SSH2: variants seen among roughly 807,000 people sequenced by gnomAD.
SSH2 encodes protein phosphatase Slingshot homolog 2.
Under a neutral mutation model 135.2 loss-of-function variants are expected in SSH2, and 37 were observed. That is an observed-to-expected ratio of 0.27 (90% CI 0.21 to 0.36). SSH2 has a LOEUF of 0.36. Among genes scored for constraint, SSH2 ranks in the 10% least tolerant of loss-of-function variants. The pLI, the probability that SSH2 is intolerant of heterozygous loss-of-function variation, is 1.00. For missense variants in SSH2, 1,408 were observed against 1,765.3 expected (o/e 0.80, Z 3.63); for synonymous variants, 628 against 646.2 (o/e 0.97, Z 0.43).
At chr17:29,752,658 A>G (rs1411670749) in intron 3 of SSH2, among the ~76,000 whole-genome samples, 1 of 152,126 alleles carries the variant, frequency 6.6e-6, no homozygotes, top group Non-Finnish European at 1.5e-5. Flanking sequence ...AAATCATAAG[A>G]TAAAATACAA....
At chr17:29,751,310 G>C (rs973551043) in intron 3 of SSH2, among the ~76,000 whole-genome samples, 2 of 152,134 alleles carry the variant, frequency 1.3e-5, no homozygotes, top group Admixed American at 6.5e-5. Flanking sequence ...AGCTACTTGG[G>C]AGGCTGAGGC....
At position 29,632,718 on chromosome 17, in the gene SSH2, T is replaced by C. The variant is rs754753490; in HGVS notation, c.2476A>G (p.Lys826Glu). The C allele has an allele frequency of 6.2e-7, 1 of 1,614,184 alleles. No homozygotes were observed. Among genetic ancestry groups the C allele is most frequent in the South Asian group, 1.1e-5 (1 of 91,084 alleles). ...TCATCTTGCTCCATATGTCCAGGTT[T>C]GTTCTCTGGAGTCTGGGCCCTCTCA... ...LLERAQTPEN[K>E]PGHMEQDEDS... The change falls in exon 16 of 16, where the codon AAA (lysine) becomes GAA (glutamate). Residue 826 changes from lysine to glutamate, a missense_variant. By Grantham distance (56) the Lys-to-Glu change is moderately conservative (BLOSUM62 1). This residue lies in a region of SSH2 where 1,080 missense variants were observed against 1,144.5 expected (regional missense o/e 0.94). Transcript: ENST00000540801.
At chr17:29,842,440 TGA>T (rs2043058709) in intron 2 of SSH2, among the ~76,000 whole-genome samples, 1 of 134,752 alleles carries the variant, frequency 7.4e-6, no homozygotes, top group South Asian at 2.4e-4. Flanking sequence ...GGCGACAGAG[TGA>T]GACTCAGTGT....
chr17:29,758,996 T>C (rs1049276641), intron 3 of SSH2, among the ~76,000 whole-genome samples: 1 of 152,142 alleles, frequency 6.6e-6, no homozygotes, highest in African/African-American at 2.4e-5. Context: ...GTGATCCTCC[T>C]GTCTCCCAAA....
At chr17:29,888,032 T>C (rs1473228373) in intron 1 of SSH2, among the ~76,000 whole-genome samples, 1 of 151,606 alleles carries the variant, frequency 6.6e-6, no homozygotes, top group African/African-American at 2.4e-5. Flanking sequence ...AGCCCAGGAG[T>C]TTGAGACCAG....
chr17:29,806,622 G>C (rs2042350675), intron 2 of SSH2, among the ~76,000 whole-genome samples: 1 of 152,204 alleles, frequency 6.6e-6, no homozygotes. Flanking sequence ...GCCCCTCTGA[G>C]TGTGTCATGA....
At chr17:29,715,247 CTTTCTT>C (rs1567908978) in intron 3 of SSH2, among the ~76,000 whole-genome samples, 3 of 150,514 alleles carry the variant, frequency 2.0e-5, no homozygotes, top group African/African-American at 7.4e-5. Context: ...CTATTTCTTT[CTTTCTT>C]TTTTTTTTTT....
intron 1 of SSH2, among the ~76,000 whole-genome samples, chr17:29,853,086 A>ACT (rs1555534071): frequency 1.5e-5 from 2 of 134,778 alleles, no homozygotes; most frequent in East Asian, 4.4e-4. Flanking sequence ...CACTGCAGAG[A>ACT]TTTTTTTTTT....
intron 3 of SSH2, among the ~76,000 whole-genome samples, chr17:29,706,786 A>G (rs1442119377): frequency 6.6e-6 from 1 of 152,260 alleles, no homozygotes; most frequent in Non-Finnish European, 1.5e-5. Flanking sequence ...TTTGTTGAAG[A>G]GTTTAAAACA....
chr17:29,648,011 T>C, intron 14 of SSH2, 133 bp downstream of exon 14: 4 of 868,838 alleles, frequency 4.6e-6, no homozygotes, highest in Non-Finnish European at 7.3e-6. Context: ...AAAACTGGAT[T>C]GATAGAGAAA....
chr17:29,736,786 C>CAACAAAA (rs2040381827), intron 3 of SSH2, among the ~76,000 whole-genome samples: 1 of 10,206 alleles, frequency 9.8e-5, no homozygotes, highest in African/African-American at 4.6e-4. Flanking sequence ...GACTCTGTCT[C>CAACAAAA]AAAAAAAAAA....
rs553835173 is a variant in SSH2 at position 29,681,590 on chromosome 17, T to A, written c.479+2973A>T. ...GGAAAAAAAAAACCCCAAAAAACCA[T>A]GAAGCTCTATTATTTTATAACTTAA... On this transcript the variant is annotated intron_variant, in intron 6 of 15. Transcript: ENST00000540801. Among the ~76,000 whole-genome samples, 42 of 151,460 alleles carry A rather than the reference T, an allele frequency of 2.8e-4. 1 individual carries two copies. The South Asian group carries it at 4.3e-3, about 16-fold the overall frequency.
intron 3 of SSH2, among the ~76,000 whole-genome samples, chr17:29,753,830 T>G (rs1036849648): frequency 1.3e-5 from 2 of 151,940 alleles, no homozygotes; most frequent in Admixed American, 6.6e-5. Context: ...GTAAAGTCTT[T>G]TTAGAAAGCA....
chr17:29,922,000 G>A (rs901428230), intron 1 of SSH2, among the ~76,000 whole-genome samples: 8 of 152,148 alleles, frequency 5.3e-5, no homozygotes, highest in South Asian at 2.1e-4. Context: ...TATGCTGTGC[G>A]TAGAAGGAGC....
intron 3 of SSH2, among the ~76,000 whole-genome samples, chr17:29,726,688 T>C (rs1361113074): frequency 2.0e-5 from 3 of 152,230 alleles, no homozygotes; most frequent in African/African-American, 7.2e-5. Flanking sequence ...AATGTTTTGA[T>C]ATGTGAAAAT....
At chr17:29,660,866 G>C (rs2037002497) in intron 11 of SSH2, among the ~76,000 whole-genome samples, 2 of 151,540 alleles carry the variant, frequency 1.3e-5, no homozygotes. Flanking sequence ...AGACCAGCCT[G>C]GCCAACATGG....
chr17:29,793,894 C>T lies in SSH2; in HGVS notation c.188G>A (p.Ser63Asn). The change falls in exon 3 of 16, where the codon AGC becomes AAC. Residue 63 changes from serine to asparagine, a missense_variant and splice_region_variant. Transcript: ENST00000540801. ...CGTAGGATATAATGAACAAACATAC[C>T]TCCTGGGCTGTGACCGGCATTCTTC... is the stretch of plus-strand genomic sequence containing the variant. Reference protein sequence around the residue: ...GEEECRSQPRSISESFLTVKG... With the variant: ...GEEECRSQPRNISESFLTVKG... 2 of 1,612,590 alleles carry T rather than the reference C, an allele frequency of 1.2e-6. No individual in the cohort carries two copies. Among genetic ancestry groups the T allele is most frequent in the South Asian group, 1.1e-5 (1 of 91,002 alleles).
chr17:29,684,768 A>G, intron 5 of SSH2, 84 bp from the exon 6 acceptor site: 1 of 1,346,786 alleles, frequency 7.4e-7, no homozygotes, highest in South Asian at 1.3e-5. Context: ...TCAGCATCTT[A>G]AAGCATACTC....
chr17:29,696,622 T>C (rs4795517), intron 4 of SSH2, among the ~76,000 whole-genome samples: 13,188 of 51,268 alleles, frequency 0.26, 2,119 homozygotes, highest in African/African-American at 0.47. Context: ...CATATATATA[T>C]ACACACACAC....
Sources: allele counts gnomAD v4.1 joint callset (sites outside exome capture counted in the v4.1 genomes callset), GRCh38; gene constraint gnomAD v4.1.1; regional missense constraint gnomAD v4.1.1; transcripts MANE v1.5; gene names NCBI Gene and HGNC (gene_info 2026-07-23, HGNC 2026-07-21).